Variants in CTDSPL2 observed in about 807,000 individuals in gnomAD.
CTDSPL2 encodes CTD small phosphatase-like protein 2.
CTDSPL2 carries 5 observed loss-of-function variants against 60.0 expected under a neutral mutation model. The observed-to-expected ratio is 0.08, with a 90% CI of 0.04 to 0.18. The LOEUF (loss-of-function observed/expected upper bound fraction) is 0.18. Ranked by LOEUF, CTDSPL2 falls within the 10% of genes least tolerant of loss-of-function variation. The pLI, the probability that CTDSPL2 is intolerant of heterozygous loss-of-function variation, is 1.00. For synonymous variants in CTDSPL2, 186 were observed against 189.3 expected, an observed-to-expected ratio of 0.98 and a Z score of 0.14; for missense variants, 370 against 548.8, an observed-to-expected ratio of 0.67 and a Z score of 3.26.
intron 8 of CTDSPL2, among the ~76,000 whole-genome samples, chr15:44,500,517 A>G (rs1441127028): frequency 6.6e-6 from 1 of 152,206 alleles, no homozygotes; most frequent in Non-Finnish European, 1.5e-5. Flanking sequence ...GGAGGTTGTT[A>G]TTTAACTAGC....
At chr15:44,463,856 T>C (rs2080627240) in intron 2 of CTDSPL2, among the ~76,000 whole-genome samples, 1 of 152,198 alleles carries the variant, frequency 6.6e-6, no homozygotes, top group Non-Finnish European at 1.5e-5. Context: ...CTAAAACCTA[T>C]TGAATATTAA....
chr15:44,457,288 A>G (rs2080467621), intron 1 of CTDSPL2, among the ~76,000 whole-genome samples: 1 of 152,168 alleles, frequency 6.6e-6, no homozygotes, highest in Non-Finnish European at 1.5e-5. Context: ...TAGTATAGCC[A>G]CCTTCATCAG....
intron 12 of CTDSPL2, 31 bp from the exon 13 acceptor site, chr15:44,524,077 GC>G (rs778789576): frequency 9.0e-6 from 14 of 1,554,068 alleles, no homozygotes; most frequent in Non-Finnish European, 1.2e-5. Flanking sequence ...GAAATTTTAT[GC>G]CTTTTTAAAA....
At chr15:44,482,612 G>A (rs1028270397) in intron 2 of CTDSPL2, among the ~76,000 whole-genome samples, 1 of 152,156 alleles carries the variant, frequency 6.6e-6, no homozygotes, top group Non-Finnish European at 1.5e-5. Flanking sequence ...GAGGCTCCCT[G>A]ATCCTCATTT....
At chr15:44,427,796 G>A in intron 1 of CTDSPL2, 24 bp downstream of exon 1, 1 of 398,420 alleles carries the variant, frequency 2.5e-6, no homozygotes, top group East Asian at 3.6e-5. Context: ...TCCAGACGCC[G>A]CCGCTGCTTC....
In CTDSPL2 at chr15:44,524,207, G is replaced by C; in HGVS notation, c.*33G>C. 6.4e-7 allele frequency: 1 copy of C among 1,551,756 alleles called. No homozygotes were observed. Among genetic ancestry groups the C allele is most frequent in the Non-Finnish European group, 8.9e-7 (1 of 1,123,878 alleles). On this transcript the variant is annotated 3_prime_UTR_variant, in exon 13 of 13. Coordinates refer to ENST00000260327, the MANE Select transcript of CTDSPL2 (RefSeq NM_016396.3). ...GACTTGTCAAATCACTGAAGGGGGA[G>C]AGAATGCAGGACCCTTTTGGACTAA...
intron 2 of CTDSPL2, among the ~76,000 whole-genome samples, chr15:44,481,554 A>C (rs1455008323): frequency 6.6e-6 from 1 of 152,162 alleles, no homozygotes; most frequent in East Asian, 1.9e-4. Flanking sequence ...CTACATAGGC[A>C]CAAGTCCTTT....
At chr15:44,439,999 A>T (rs1276876090) in intron 1 of CTDSPL2, among the ~76,000 whole-genome samples, 1 of 152,166 alleles carries the variant, frequency 6.6e-6, no homozygotes, top group Non-Finnish European at 1.5e-5. Flanking sequence ...AGGATTCTCC[A>T]GTGAAGCCAT....
chr15:44,445,680 T>A (rs2080196956), intron 1 of CTDSPL2, among the ~76,000 whole-genome samples: 1 of 151,500 alleles, frequency 6.6e-6, no homozygotes, highest in Non-Finnish European at 1.5e-5. Flanking sequence ...CACTGTCGCC[T>A]GGGCTGGAGT....
intron 8 of CTDSPL2, among the ~76,000 whole-genome samples, chr15:44,507,245 G>A (rs918632438): frequency 3.3e-5 from 5 of 151,494 alleles, no homozygotes; most frequent in Admixed American, 6.6e-5. Context: ...CCACCATGCC[G>A]AGCTAATTTT....
intron 8 of CTDSPL2, among the ~76,000 whole-genome samples, chr15:44,503,078 A>T (rs2081406024): frequency 6.6e-6 from 1 of 152,202 alleles, no homozygotes. Flanking sequence ...TACTACTGAC[A>T]CTATGTGGAC....
intron 8 of CTDSPL2, among the ~76,000 whole-genome samples, chr15:44,513,118 C>G (rs1344751788): frequency 1.3e-5 from 2 of 151,398 alleles, no homozygotes; most frequent in African/African-American, 4.9e-5. Flanking sequence ...AAACCTTTAT[C>G]TAGCCCAGAG....
At chr15:44,467,593 A>G (rs1181363370) in intron 2 of CTDSPL2, among the ~76,000 whole-genome samples, 1 of 151,438 alleles carries the variant, frequency 6.6e-6, no homozygotes, top group Non-Finnish European at 1.5e-5. Flanking sequence ...ATTTTTTTTG[A>G]GACGGAGTCT....
intron 8 of CTDSPL2, among the ~76,000 whole-genome samples, chr15:44,508,907 G>T (rs929922568): frequency 2.0e-5 from 3 of 152,102 alleles, no homozygotes; most frequent in African/African-American, 7.2e-5. Flanking sequence ...GACAGAGTGA[G>T]ACTCCATCTC....
chr15:44,499,904 A>G, intron 8 of CTDSPL2, 91 bp downstream of exon 8: 1 of 701,494 alleles, frequency 1.4e-6, no homozygotes, highest in South Asian at 1.6e-5. Flanking sequence ...ATGTGACATT[A>G]AATGTGTTTT....
At chr15:44,475,482 T>C (rs2080897176) in intron 2 of CTDSPL2, among the ~76,000 whole-genome samples, 2 of 151,942 alleles carry the variant, frequency 1.3e-5, no homozygotes, top group South Asian at 2.1e-4. Flanking sequence ...CTACTAAAAA[T>C]ACAAAAATTA....
In CTDSPL2 at chr15:44,506,412, C is replaced by CTTTTTTT. The variant is rs764238056; in HGVS notation, c.969+6614_969+6620dup. On this transcript the variant is annotated intron_variant, in intron 8 of 12. Transcript: ENST00000260327. ...TAAGCTTCATTTTATCCTACTTTGA[C>CTTTTTTT]TTTTTTTTTTTTTTTTTTTTTGGAG... is the stretch of plus-strand genomic sequence containing the variant. 9.9e-3 allele frequency among the ~76,000 whole-genome samples: 1,117 copies of CTTTTTTT among 112,290 alleles called. 21 individuals are homozygous for CTTTTTTT. Among genetic ancestry groups the CTTTTTTT allele is most frequent in the East Asian group, 0.031 (100 of 3,272 alleles). The allele number at this position is 112,290 out of a possible 152,430, so 73.7% of individuals were successfully genotyped here.
intron 2 of CTDSPL2, among the ~76,000 whole-genome samples, chr15:44,470,736 C>T (rs1023842514): frequency 2.0e-5 from 3 of 152,142 alleles, no homozygotes; most frequent in Non-Finnish European, 4.4e-5. Context: ...GTGTGAGCCA[C>T]CACGCCTGGC....
chr15:44,486,818 G>C, intron 4 of CTDSPL2, 118 bp downstream of exon 4: 1 of 698,612 alleles, frequency 1.4e-6, no homozygotes, highest in East Asian at 3.0e-5. Flanking sequence ...CTGGAGTGCA[G>C]TGACGCGATC....
Sources: allele counts gnomAD v4.1 joint callset (sites outside exome capture counted in the v4.1 genomes callset), GRCh38; gene constraint gnomAD v4.1.1; transcripts MANE v1.5; gene names NCBI Gene and HGNC (gene_info 2026-07-23, HGNC 2026-07-21).